The following SPTLC1 variants were observed in gnomAD, a reference collection of about 807,000 sequenced individuals.
SPTLC1 encodes serine palmitoyltransferase 1.
A neutral mutation model predicts 68.9 loss-of-function variants in SPTLC1; 55 were observed. The observed-to-expected ratio is 0.80, with a 90% CI of 0.64 to 1.00. The LOEUF is 1.00. SPTLC1 is among the 50% of genes least tolerant of loss of function. The pLI, the probability that SPTLC1 is intolerant of heterozygous loss-of-function variation, is 0.00. For synonymous variants in SPTLC1, 197 were observed against 201.6 expected, an observed-to-expected ratio of 0.98 and a Z score of 0.19; for missense variants, 449 against 573.1, an observed-to-expected ratio of 0.78 and a Z score of 2.21.
rs754378890 is a variant in SPTLC1, at chr9:92,115,380, C to G, written c.-10G>C. On this transcript the variant is annotated 5_prime_UTR_variant, in exon 1 of 15. Transcript: ENST00000262554. Reference sequence around the variant, plus strand: ...CCGTGGCGGTCGCCATAGTTAGCCGCTTCCTTCCGGAAGGCGGGTCACAAG... The same window carrying G: ...CCGTGGCGGTCGCCATAGTTAGCCGGTTCCTTCCGGAAGGCGGGTCACAAG... 8 of 1,613,096 alleles carry G rather than the reference C, an allele frequency of 5.0e-6. No homozygotes were observed. The African/African-American group carries it at 1.1e-4, about 22-fold the overall frequency.
intron 13 of SPTLC1, among the ~76,000 whole-genome samples, chr9:92,035,105 T>C (rs1202486939): frequency 6.6e-6 from 1 of 152,248 alleles, no homozygotes; most frequent in Non-Finnish European, 1.5e-5. Flanking sequence ...GCAGTCGCCA[T>C]GAGCCCTGTG....
intron 6 of SPTLC1, among the ~76,000 whole-genome samples, chr9:92,062,003 C>T (rs1442828929): frequency 6.6e-6 from 1 of 152,068 alleles, no homozygotes; most frequent in Non-Finnish European, 1.5e-5. Flanking sequence ...TCAATAATTA[C>T]ATTAAATGTA....
intron 14 of SPTLC1, among the ~76,000 whole-genome samples, chr9:92,034,199 C>G (rs1833064748): frequency 1.3e-5 from 2 of 152,254 alleles, no homozygotes; most frequent in Admixed American, 1.3e-4. Context: ...CAGGGCAGAA[C>G]TGACCATGTC....
At chr9:92,099,518 T>G (rs1381285006) in intron 3 of SPTLC1, among the ~76,000 whole-genome samples, 1 of 151,298 alleles carries the variant, frequency 6.6e-6, no homozygotes, top group Non-Finnish European at 1.5e-5. Context: ...CTGGCTCTGT[T>G]GCCCAGGATG....
chr9:92,114,923 G>T, intron 1 of SPTLC1: 1 of 293,072 alleles, frequency 3.4e-6, no homozygotes, highest in Non-Finnish European at 6.7e-6. Context: ...GAACTGTACC[G>T]TAGTTCCAAA....
intron 6 of SPTLC1, among the ~76,000 whole-genome samples, chr9:92,063,018 TAGG>T (rs1479459031): frequency 6.6e-6 from 1 of 151,688 alleles, no homozygotes; most frequent in Non-Finnish European, 1.5e-5. Flanking sequence ...CAGGAAATAA[TAGG>T]AGAAATCAAT....
intron 5 of SPTLC1, among the ~76,000 whole-genome samples, chr9:92,074,211 T>C (rs1834596895): frequency 6.6e-6 from 1 of 152,060 alleles, no homozygotes; most frequent in African/African-American, 2.4e-5. Flanking sequence ...CACTCCACGT[T>C]ACCTTCTTTT....
intron 12 of SPTLC1, among the ~76,000 whole-genome samples, chr9:92,039,306 T>G (rs1006009424): frequency 2.6e-5 from 4 of 152,232 alleles, no homozygotes; most frequent in Non-Finnish European, 5.9e-5. Flanking sequence ...AATCTGTAGC[T>G]TCTCAAGGAG....
intron 5 of SPTLC1, chr9:92,079,475 C>G: frequency 2.5e-6 from 4 of 1,612,452 alleles, no homozygotes; most frequent in Non-Finnish European, 3.4e-6. Flanking sequence ...AGGGAATTCA[C>G]TGTATTTGAA....
At chr9:92,064,679 T>G (rs193298127) in intron 6 of SPTLC1, among the ~76,000 whole-genome samples, 1 of 152,222 alleles carries the variant, frequency 6.6e-6, no homozygotes, top group East Asian at 1.9e-4. Flanking sequence ...GCTTTTTTTT[T>G]ATAACAGCAC....
chr9:92,081,046 C>T, intron 3 of SPTLC1, 83 bp from the exon 4 acceptor site: 8 of 1,036,022 alleles, frequency 7.7e-6, no homozygotes, highest in Admixed American at 1.8e-5. Flanking sequence ...GGCACAACAA[C>T]ATAGTGTTGT....
intron 3 of SPTLC1, among the ~76,000 whole-genome samples, chr9:92,082,742 T>G (rs1834935280): frequency 6.6e-6 from 1 of 152,098 alleles, no homozygotes; most frequent in African/African-American, 2.4e-5. Context: ...TATACTCATT[T>G]GGGTATATAC....
chr9:92,092,715 C>G (rs1835407609), intron 3 of SPTLC1, among the ~76,000 whole-genome samples: 1 of 152,076 alleles, frequency 6.6e-6, no homozygotes, highest in Non-Finnish European at 1.5e-5. Context: ...AGCCTGACAA[C>G]AGGGCAAGAC....
At chr9:92,065,876 C>G (rs1002512935) in intron 6 of SPTLC1, among the ~76,000 whole-genome samples, 5 of 152,174 alleles carry the variant, frequency 3.3e-5, no homozygotes, top group Non-Finnish European at 7.3e-5. Context: ...GTCACATGTA[C>G]TGCAGAAGCC....
In SPTLC1 at chr9:92,104,494, C is replaced by A. The variant is rs1024257505; in HGVS notation, c.260+4246G>T. 1.5e-4 allele frequency: 207 copies of A among 1,408,968 alleles called. 1 individual carries two copies. The Admixed American group carries it at 1.5e-3, about 10-fold the overall frequency. 87.3% of individuals were successfully genotyped at this position (1,408,968 alleles called of 1,614,324 possible). ...GGTCCTGCCTCCTGTGGTCTGGAGC[C>A]CCCCCCTCAAGGAAGAAACCCGTGC... On this transcript the variant is annotated intron_variant, in intron 3 of 14. Transcript: ENST00000262554.
At chr9:92,092,283 AG>A (rs1324639076) in intron 3 of SPTLC1, among the ~76,000 whole-genome samples, 1 of 152,268 alleles carries the variant, frequency 6.6e-6, no homozygotes, top group East Asian at 1.9e-4. Context: ...CAAATCATTC[AG>A]AAAAGCTATC....
chr9:92,049,184 T>C (rs1308784984), intron 9 of SPTLC1, among the ~76,000 whole-genome samples: 1 of 152,188 alleles, frequency 6.6e-6, no homozygotes, highest in Non-Finnish European at 1.5e-5. Flanking sequence ...GACTATATGG[T>C]TAGCGGGATG....
chr9:92,049,882 A>G (rs1833648666), intron 9 of SPTLC1, 78 bp downstream of exon 9: 4 of 995,526 alleles, frequency 4.0e-6, no homozygotes, highest in South Asian at 2.5e-5. Context: ...TCTTGTGCCT[A>G]TAAAAATATA....
chr9:92,032,690 C>T (rs528453598), intron 14 of SPTLC1, 132 bp from the exon 15 acceptor site: 1 of 1,191,394 alleles, frequency 8.4e-7, no homozygotes, highest in East Asian at 2.6e-5. Context: ...TCCTGGCTAA[C>T]ACAGTGAAAC....
Sources: gnomAD v4.1 joint callset for allele counts (sites outside exome capture counted in the v4.1 genomes callset) on GRCh38, gnomAD v4.1.1 for gene constraint, MANE v1.5 for transcripts, NCBI Gene and HGNC (gene_info 2026-07-23, HGNC 2026-07-21) for gene names.